Variants in SLC35F4 observed in about 807,000 individuals in gnomAD.
The protein encoded by SLC35F4 is solute carrier family 35 member F4, also known as chromosome 14 open reading frame 36.
SLC35F4 carries 24 observed loss-of-function variants against 44.2 expected under a neutral mutation model. The observed-to-expected ratio is 0.54, with a 90% CI of 0.39 to 0.76. The LOEUF is 0.76. Among genes scored for constraint, SLC35F4 ranks in the 30% least tolerant of loss-of-function variants. The probability of loss-of-function intolerance (pLI) is 0.00; values close to 1 mark genes in which losing one functional copy is unlikely to be tolerated. For missense variants in SLC35F4, 562 were observed against 586.1 expected (o/e 0.96, Z 0.42); for synonymous variants, 238 against 223.6 (o/e 1.06, Z -0.57).
intron 1 of SLC35F4, among the ~76,000 whole-genome samples, chr14:57,829,064 G>T (rs757248597): frequency 6.6e-6 from 1 of 152,156 alleles, no homozygotes; most frequent in Non-Finnish European, 1.5e-5. Context: ...TAATATTTGG[G>T]CCTGCCTTTA....
intron 1 of SLC35F4, among the ~76,000 whole-genome samples, chr14:57,955,454 G>A (rs1012972621): frequency 6.6e-6 from 1 of 152,168 alleles, no homozygotes; most frequent in African/African-American, 2.4e-5. Flanking sequence ...AAGCAGGCAA[G>A]AGAAAGAAAT....
At chr14:57,604,485 G>C (rs1275400117) in intron 1 of SLC35F4, among the ~76,000 whole-genome samples, 3 of 152,202 alleles carry the variant, frequency 2.0e-5, no homozygotes, top group Non-Finnish European at 4.4e-5. Context: ...AACATCCCAT[G>C]CTCATGGATT....
intron 1 of SLC35F4, among the ~76,000 whole-genome samples, chr14:57,677,316 C>A (rs1656628225): frequency 6.6e-6 from 1 of 151,792 alleles, no homozygotes; most frequent in South Asian, 2.1e-4. Flanking sequence ...GGGTAAACTA[C>A]TTGGGTGATG....
At chr14:57,754,466 A>C (rs2076952700) in intron 1 of SLC35F4, among the ~76,000 whole-genome samples, 1 of 152,138 alleles carries the variant, frequency 6.6e-6, no homozygotes, top group African/African-American at 2.4e-5. Flanking sequence ...TCTTCCTGTG[A>C]GGTTTATCAC....
intron 1 of SLC35F4, among the ~76,000 whole-genome samples, chr14:57,891,356 T>A (rs11158182): frequency 0.3 from 45,174 of 151,938 alleles, 7,401 homozygotes; most frequent in East Asian, 0.49. Context: ...TGGAGTTTAC[T>A]TTATATTCAC....
intron 1 of SLC35F4, among the ~76,000 whole-genome samples, chr14:57,758,345 C>T (rs1486828233): frequency 3.3e-5 from 5 of 151,904 alleles, no homozygotes; most frequent in African/African-American, 4.8e-5. Context: ...TACTCCATTA[C>T]TTTATTTTTT....
intron 2 of SLC35F4, among the ~76,000 whole-genome samples, chr14:57,592,805 T>A (rs2139917399): frequency 6.6e-6 from 1 of 152,248 alleles, no homozygotes; most frequent in East Asian, 1.9e-4. Flanking sequence ...TGAATTGTCA[T>A]TTTTTTAAGG....
At chr14:57,632,344 T>G (rs898381504) in intron 1 of SLC35F4, among the ~76,000 whole-genome samples, 1 of 151,298 alleles carries the variant, frequency 6.6e-6, no homozygotes, top group Admixed American at 6.6e-5. Flanking sequence ...CTTGTGTAAA[T>G]CAAGCAAACA....
chr14:57,881,793 A>T (rs545524199), intron 1 of SLC35F4, among the ~76,000 whole-genome samples: 4 of 152,222 alleles, frequency 2.6e-5, no homozygotes, highest in East Asian at 3.9e-4. Context: ...GGGTTTTTTT[A>T]AAGTCTATTT....
intron 1 of SLC35F4, among the ~76,000 whole-genome samples, chr14:57,953,605 C>CA (rs1271772523): frequency 6.6e-6 from 1 of 151,706 alleles, no homozygotes; most frequent in Non-Finnish European, 1.5e-5. Flanking sequence ...AAATGGAAAC[C>CA]AAAAAAACCA....
chr14:57,788,424 A>G (rs981851869), intron 1 of SLC35F4, among the ~76,000 whole-genome samples: 7 of 152,200 alleles, frequency 4.6e-5, no homozygotes, highest in Non-Finnish European at 7.3e-5. Flanking sequence ...GACTTAGCAA[A>G]TATATACAGA....
chr14:57,958,695 C>CCA (rs1449575519), intron 1 of SLC35F4, among the ~76,000 whole-genome samples: 3 of 152,170 alleles, frequency 2.0e-5, no homozygotes, highest in Non-Finnish European at 4.4e-5. Context: ...CCACTACAAA[C>CCA]CTTTTTAGGA....
intron 1 of SLC35F4, among the ~76,000 whole-genome samples, chr14:57,863,128 A>C (rs908923217): frequency 2.0e-5 from 3 of 152,216 alleles, no homozygotes; most frequent in Non-Finnish European, 4.4e-5. Flanking sequence ...TGGCCTCCCA[A>C]AGTGCTAGGA....
chr14:57,907,212 G>A (rs1490254275), intron 1 of SLC35F4, among the ~76,000 whole-genome samples: 2 of 152,084 alleles, frequency 1.3e-5, no homozygotes, highest in African/African-American at 4.8e-5. Context: ...CATTTCTTTG[G>A]CAATACAGTA....
At chr14:57,684,423 T>G (rs1311014363) in intron 1 of SLC35F4, among the ~76,000 whole-genome samples, 1 of 152,188 alleles carries the variant, frequency 6.6e-6, no homozygotes, top group African/African-American at 2.4e-5. Context: ...AGGCATTAGA[T>G]TCTCATAAGG....
At chr14:57,664,121 A>G (rs2074230206) in intron 1 of SLC35F4, among the ~76,000 whole-genome samples, 1 of 152,176 alleles carries the variant, frequency 6.6e-6, no homozygotes, top group Non-Finnish European at 1.5e-5. Flanking sequence ...AGTGTTGCCT[A>G]CCACCTACAG....
chr14:57,640,839 T>G (rs1405744673), intron 1 of SLC35F4, among the ~76,000 whole-genome samples: 2 of 151,996 alleles, frequency 1.3e-5, no homozygotes, highest in East Asian at 3.9e-4. Context: ...AAGAATTAGC[T>G]TAAATTTTAC....
At chr14:57,913,595 C>T (rs1297441757) in intron 1 of SLC35F4, among the ~76,000 whole-genome samples, 2 of 152,096 alleles carry the variant, frequency 1.3e-5, no homozygotes, top group African/African-American at 2.4e-5. Flanking sequence ...ACATTAATTC[C>T]TCCTGCCCTT....
At chr14:57,733,133 T>A (rs1234757444) in intron 1 of SLC35F4, among the ~76,000 whole-genome samples, 3 of 152,172 alleles carry the variant, frequency 2.0e-5, no homozygotes, top group African/African-American at 7.2e-5. Context: ...ACTGTTTAGC[T>A]TGGGCACTGG....
Sources: gnomAD v4.1 joint callset for allele counts (sites outside exome capture counted in the v4.1 genomes callset) on GRCh38, gnomAD v4.1.1 for gene constraint, MANE v1.5 for transcripts, NCBI Gene and HGNC (gene_info 2026-07-23, HGNC 2026-07-21) for gene names.